Variants in ZMYM6 observed in about 807,000 individuals in gnomAD.
ZMYM6 encodes the protein zinc finger MYM-type containing 6, also known as zinc finger MYM-type protein 6.
Under a neutral mutation model 134.0 loss-of-function variants are expected in ZMYM6, and 90 were observed. The observed-to-expected ratio is 0.67, with a 90% CI of 0.57 to 0.80. The LOEUF (loss-of-function observed/expected upper bound fraction) is 0.80, where lower values mean the gene tolerates loss of function less well. ZMYM6 is among the 30% of genes least tolerant of loss of function. The probability of loss-of-function intolerance (pLI) is 0.00; values close to 1 mark genes in which losing one functional copy is unlikely to be tolerated. For synonymous variants in ZMYM6, 481 were observed against 524.1 expected, an observed-to-expected ratio of 0.92 and a Z score of 1.12; for missense variants, 1,362 against 1,533.9, an observed-to-expected ratio of 0.89 and a Z score of 1.87.
chr1:35,005,572 G>A (rs1159569360), intron 12 of ZMYM6, among the ~76,000 whole-genome samples: 1 of 143,196 alleles, frequency 7.0e-6, no homozygotes, highest in Non-Finnish European at 1.5e-5. Context: ...GAAACAGGGG[G>A]ATCACTTAAG....
intron 14 of ZMYM6, among the ~76,000 whole-genome samples, chr1:34,993,022 C>G (rs1384504722): frequency 6.7e-6 from 1 of 150,152 alleles, no homozygotes; most frequent in Non-Finnish European, 1.5e-5. Flanking sequence ...AAAATATATT[C>G]CACATCAATT....
In ZMYM6 at chr1:35,008,736, A is replaced by G. The variant is rs781610404; in HGVS notation, c.1665+16T>C. 1 of 1,600,314 alleles carries G rather than the reference A, an allele frequency of 6.2e-7. No homozygotes were observed. Among genetic ancestry groups the G allele is most frequent in the South Asian group, 1.1e-5 (1 of 88,148 alleles). On this transcript the variant is annotated intron_variant, in intron 11 of 15. Transcript: ENST00000357182. ...CTGATTTCAGAAAGCCAAAAAAAGTATATTATCACATTTACCTGATAAAAC... is the reference window on the plus strand; with the variant it reads ...CTGATTTCAGAAAGCCAAAAAAAGTGTATTATCACATTTACCTGATAAAAC...
chr1:35,007,749 G>A (rs1641010991), intron 11 of ZMYM6, among the ~76,000 whole-genome samples: 1 of 151,828 alleles, frequency 6.6e-6, no homozygotes, highest in African/African-American at 2.4e-5. Context: ...AGGCTACAGG[G>A]AGCCAACATC....
chr1:34,989,404 A>T (rs1640629850), intron 15 of ZMYM6: 1 of 260,212 alleles, frequency 3.8e-6, no homozygotes, highest in Admixed American at 6.6e-5. Flanking sequence ...GAAGAAAAAA[A>T]ATTGGCTGGA....
At chr1:35,025,784 T>A (rs1006718323) in intron 2 of ZMYM6, among the ~76,000 whole-genome samples, 1 of 152,200 alleles carries the variant, frequency 6.6e-6, no homozygotes, top group Admixed American at 6.5e-5. Flanking sequence ...GGAGTCCAAA[T>A]CCTGACTCAA....
At chr1:35,014,308 T>C (rs544585096) in intron 6 of ZMYM6, among the ~76,000 whole-genome samples, 17 of 152,200 alleles carry the variant, frequency 1.1e-4, no homozygotes, top group Non-Finnish European at 2.1e-4. Context: ...AATCATGAAA[T>C]TACATTTATG....
chr1:35,005,629 CAAAAAA>C (rs1182722333), intron 12 of ZMYM6, among the ~76,000 whole-genome samples: 10 of 59,294 alleles, frequency 1.7e-4, no homozygotes, highest in African/African-American at 4.0e-4. Flanking sequence ...AACCTAGTCT[CAAAAAA>C]AAAAAAAAAA....
chr1:35,010,396 T>C, intron 10 of ZMYM6, 51 bp downstream of exon 10: 1 of 1,563,666 alleles, frequency 6.4e-7, no homozygotes. Flanking sequence ...GCCCAAGTCG[T>C]CATGAATTAT....
chr1:35,001,269 T>A (rs957362971), intron 14 of ZMYM6, among the ~76,000 whole-genome samples: 2 of 137,080 alleles, frequency 1.5e-5, no homozygotes, highest in Non-Finnish European at 3.0e-5. Flanking sequence ...AACTGTCAGG[T>A]GTTTTTTTTT....
chr1:35,015,743 A>AAAAAATATATATAT, intron 4 of ZMYM6, among the ~76,000 whole-genome samples: 5 of 106,470 alleles, frequency 4.7e-5, no homozygotes, highest in African/African-American at 3.3e-4. Context: ...AAAAAAAAAA[A>AAAAAATATATATAT]ATATATATAT....
intron 12 of ZMYM6, 61 bp downstream of exon 12, chr1:35,006,890 G>A: frequency 7.0e-7 from 1 of 1,422,208 alleles, no homozygotes; most frequent in Non-Finnish European, 9.3e-7. Flanking sequence ...ATTTATAACT[G>A]TATATGCTGA....
chr1:35,025,586 T>G (rs1641399174), intron 2 of ZMYM6, among the ~76,000 whole-genome samples: 1 of 152,020 alleles, frequency 6.6e-6, no homozygotes, highest in South Asian at 2.1e-4. Context: ...TTAGCATAGC[T>G]TCTCACAAGG....
At chr1:35,025,144 T>A (rs1264162502) in intron 2 of ZMYM6, among the ~76,000 whole-genome samples, 2 of 150,798 alleles carry the variant, frequency 1.3e-5, no homozygotes, top group African/African-American at 4.9e-5. Flanking sequence ...GTGCTGGGAT[T>A]ACAGGTATGA....
chr1:35,005,060 A>G, intron 13 of ZMYM6, 72 bp downstream of exon 13: 1 of 1,569,066 alleles, frequency 6.4e-7, no homozygotes, highest in Non-Finnish European at 8.7e-7. Flanking sequence ...CTGTCTCAAA[A>G]AGAGAGAACT....
At position 34,992,464 on chromosome 1, in the gene ZMYM6, G is replaced by C. The variant is rs189630722; in HGVS notation, c.1993-77C>G. ...TCACTGACTATAATTGCTATCAATTGAAAGTTCATATACATCAAGAGAAAT... is the reference window on the plus strand; with the variant it reads ...TCACTGACTATAATTGCTATCAATTCAAAGTTCATATACATCAAGAGAAAT... On this transcript the variant is annotated intron_variant, in intron 14 of 15. Coordinates refer to ENST00000357182, the MANE Select transcript of ZMYM6 (RefSeq NM_007167.4). 7 of 1,464,440 alleles carry C rather than the reference G, an allele frequency of 4.8e-6. No individual in the cohort carries two copies. In the African/African-American group the frequency reaches 1.0e-4, roughly 21 times the overall value. The allele number at this position is 1,464,440 out of a possible 1,614,324, so 90.7% of individuals were successfully genotyped here. A position where few individuals can be genotyped will look rare whatever the true frequency, so the allele number is the denominator to read the frequency against.
intron 7 of ZMYM6, 95 bp from the exon 8 acceptor site, chr1:35,012,100 T>A (rs1641097972): frequency 1.3e-6 from 1 of 761,174 alleles, no homozygotes; most frequent in South Asian, 2.9e-5. Context: ...AAATAATCAA[T>A]AATATACCAA....
chr1:35,016,489 T>C (rs1641190401), intron 4 of ZMYM6, among the ~76,000 whole-genome samples: 1 of 152,144 alleles, frequency 6.6e-6, no homozygotes, highest in Non-Finnish European at 1.5e-5. Context: ...AATACCCTGG[T>C]AAAACAGAGG....
At chr1:34,997,568 G>A (rs973979457) in intron 14 of ZMYM6, among the ~76,000 whole-genome samples, 5 of 152,128 alleles carry the variant, frequency 3.3e-5, no homozygotes, top group Admixed American at 3.3e-4. Flanking sequence ...GCCTCCCAAA[G>A]TGTTGGGATT....
intron 4 of ZMYM6, among the ~76,000 whole-genome samples, chr1:35,016,787 T>C (rs1641207546): frequency 6.6e-6 from 1 of 152,026 alleles, no homozygotes; most frequent in Non-Finnish European, 1.5e-5. Context: ...CAGTGAGCCA[T>C]GATCATGCCA....
Sources: gnomAD v4.1 joint callset for allele counts (sites outside exome capture counted in the v4.1 genomes callset) on GRCh38, gnomAD v4.1.1 for gene constraint, MANE v1.5 for transcripts, NCBI Gene and HGNC (gene_info 2026-07-23, HGNC 2026-07-21) for gene names.